The following IGF2BP2 variants were observed in gnomAD, a reference collection of about 807,000 sequenced individuals.
IGF2BP2 encodes the protein insulin-like growth factor 2 mRNA-binding protein 2.
A neutral mutation model predicts 75.8 loss-of-function variants in IGF2BP2; 17 were observed. The ratio of observed to expected loss-of-function variants is 0.22; its 90% CI spans 0.15 to 0.34. The LOEUF (loss-of-function observed/expected upper bound fraction) is 0.34. IGF2BP2 is among the 10% of genes least tolerant of loss of function. The probability of loss-of-function intolerance (pLI) is 1.00; values close to 1 mark genes in which losing one functional copy is unlikely to be tolerated. For synonymous variants in IGF2BP2, 288 were observed against 295.6 expected, an observed-to-expected ratio of 0.97 and a Z score of 0.26; for missense variants, 516 against 772.4, an observed-to-expected ratio of 0.67 and a Z score of 3.93.
intron 2 of IGF2BP2, among the ~76,000 whole-genome samples, chr3:185,782,804 C>T (rs1477386606): frequency 1.3e-5 from 2 of 152,150 alleles, no homozygotes; most frequent in Non-Finnish European, 2.9e-5. Context: ...TGAAGTTCAC[C>T]AGGATCCCAG....
At chr3:185,671,692 T>G (rs756523517) in intron 10 of IGF2BP2, among the ~76,000 whole-genome samples, 8 of 152,172 alleles carry the variant, frequency 5.3e-5, no homozygotes, top group Non-Finnish European at 8.8e-5. Flanking sequence ...ATCCTGTCTC[T>G]CTACAGATAA....
At chr3:185,673,552 G>A (rs1449375914) in intron 9 of IGF2BP2, among the ~76,000 whole-genome samples, 1 of 152,176 alleles carries the variant, frequency 6.6e-6, no homozygotes, top group Admixed American at 6.5e-5. Flanking sequence ...CAGACTGGGG[G>A]TGGGTTTAGC....
In IGF2BP2 at chr3:185,811,830, G is replaced by GTCTCTCTC. The variant is rs58208457; in HGVS notation, c.239+11315_239+11322dup. ...CAGGGGACGGTGCTCAGAGTAGGGT[G>GTCTCTCTC]TCTCTCTCTCTCTCTCTCTCTCTCT... On this transcript the variant is annotated intron_variant, in intron 2 of 15. Coordinates refer to ENST00000382199, the MANE Select transcript of IGF2BP2 (RefSeq NM_006548.6). 9.5e-3 allele frequency among the ~76,000 whole-genome samples: 1,150 copies of GTCTCTCTC among 120,644 alleles called. 25 individuals are homozygous for GTCTCTCTC. The highest frequency in any genetic ancestry group is 0.034 in the Middle Eastern group (7 of 206). The allele number at this position is 120,644 out of a possible 152,430, so 79.1% of individuals were successfully genotyped here.
chr3:185,736,139 C>A (rs906131055), intron 2 of IGF2BP2, among the ~76,000 whole-genome samples: 4 of 152,096 alleles, frequency 2.6e-5, no homozygotes, highest in Admixed American at 6.6e-5. Flanking sequence ...TCCATCAGAT[C>A]CTTAAGGCCA....
At chr3:185,752,261 G>C (rs1731064599) in intron 2 of IGF2BP2, among the ~76,000 whole-genome samples, 1 of 152,134 alleles carries the variant, frequency 6.6e-6, no homozygotes, top group African/African-American at 2.4e-5. Context: ...TCCATCACTA[G>C]GCCATGTGCA....
intron 2 of IGF2BP2, among the ~76,000 whole-genome samples, chr3:185,708,460 C>T (rs1369615930): frequency 1.3e-5 from 2 of 152,138 alleles, no homozygotes; most frequent in East Asian, 1.9e-4. Context: ...TGTGATAGCT[C>T]ACTCTTTGCT....
chr3:185,808,845 G>A (rs1029957207), intron 2 of IGF2BP2, among the ~76,000 whole-genome samples: 5 of 152,036 alleles, frequency 3.3e-5, no homozygotes, highest in Admixed American at 6.6e-5. Context: ...TGGGATTACA[G>A]GCATGAGCCA....
rs1372043865 is a variant in IGF2BP2 at position 185,760,447 on chromosome 3, T to C, written c.240-62100A>G. On this transcript the variant is annotated intron_variant, in intron 2 of 15. Transcript: ENST00000382199. ...TTAAAGTGTACAGTTCAATGATTTCTAGCATATTCACAAAGCTGTGCAGTG... is the reference window on the plus strand; with the variant it reads ...TTAAAGTGTACAGTTCAATGATTTCCAGCATATTCACAAAGCTGTGCAGTG... Among the ~76,000 whole-genome samples, 5 of 152,348 alleles carry C rather than the reference T, an allele frequency of 3.3e-5. 1 individual carries two copies. In the South Asian group the frequency reaches 8.3e-4, roughly 25 times the overall value.
intron 14 of IGF2BP2, among the ~76,000 whole-genome samples, chr3:185,649,181 C>T (rs541065048): frequency 2.6e-5 from 4 of 152,152 alleles, no homozygotes; most frequent in South Asian, 2.1e-4. Flanking sequence ...TACAGCACCA[C>T]GGATTGGGGG....
In IGF2BP2 at chr3:185,666,771, A is replaced by C. The variant is rs1195542229; in HGVS notation, c.1200+5770T>G. ...TAAAAAGAAAAATTAAGTGGAAAAA[A>C]ATGTGTATTTTCATAGGAAAATATA... is the stretch of plus-strand genomic sequence containing the variant. On this transcript the variant is annotated intron_variant, in intron 10 of 15. Coordinates refer to ENST00000382199, the MANE Select transcript of IGF2BP2 (RefSeq NM_006548.6). 2.6e-5 allele frequency among the ~76,000 whole-genome samples: 4 copies of C among 152,202 alleles called. No homozygotes were observed. In the East Asian group the frequency reaches 7.7e-4, roughly 29 times the overall value.
chr3:185,720,324 CTATT>C (rs1726326377), intron 2 of IGF2BP2, among the ~76,000 whole-genome samples: 2 of 152,170 alleles, frequency 1.3e-5, no homozygotes, highest in South Asian at 2.1e-4. Flanking sequence ...TCACCAAAGC[CTATT>C]TATTTTATTT....
At chr3:185,767,176 C>CGAT (rs1733199579) in intron 2 of IGF2BP2, among the ~76,000 whole-genome samples, 1 of 152,230 alleles carries the variant, frequency 6.6e-6, no homozygotes, top group African/African-American at 2.4e-5. Context: ...GTTCTGCAGA[C>CGAT]TATCAAGAAG....
intron 10 of IGF2BP2, among the ~76,000 whole-genome samples, chr3:185,664,817 T>C (rs1201453843): frequency 6.6e-6 from 1 of 151,114 alleles, no homozygotes. Context: ...TCTTCTGGAG[T>C]GGGAACTCCA....
intron 7 of IGF2BP2, among the ~76,000 whole-genome samples, chr3:185,676,975 TACATATATATGG>T (rs1380410812): frequency 1.4e-4 from 19 of 137,464 alleles, no homozygotes; most frequent in African/African-American, 4.9e-4. Context: ...CATATGGAGA[TACATATATATGG>T]AGATATATAT....
At chr3:185,824,253 G>A (rs1394052281) in intron 1 of IGF2BP2, among the ~76,000 whole-genome samples, 2 of 151,454 alleles carry the variant, frequency 1.3e-5, no homozygotes, top group Non-Finnish European at 2.9e-5. Context: ...GTGGGGCGAG[G>A]TGGGGAGGGG....
intron 2 of IGF2BP2, among the ~76,000 whole-genome samples, chr3:185,816,269 T>TAAC (rs567965459): frequency 9.9e-4 from 151 of 152,184 alleles, no homozygotes; most frequent in African/African-American, 3.6e-3. Flanking sequence ...AAAAGCAACA[T>TAAC]AACAACAACA....
intron 2 of IGF2BP2, among the ~76,000 whole-genome samples, chr3:185,787,355 A>G (rs1486443066): frequency 6.6e-6 from 1 of 152,244 alleles, no homozygotes; most frequent in Non-Finnish European, 1.5e-5. Flanking sequence ...ATGTCATTTA[A>G]AAAATATTTA....
At chr3:185,669,893 G>A (rs1370079393) in intron 10 of IGF2BP2, among the ~76,000 whole-genome samples, 2 of 152,216 alleles carry the variant, frequency 1.3e-5, no homozygotes, top group Admixed American at 1.3e-4. Context: ...CACCAGGGAA[G>A]CCCACAGGTC....
At chr3:185,761,145 A>T (rs1005591020) in intron 2 of IGF2BP2, among the ~76,000 whole-genome samples, 1 of 152,188 alleles carries the variant, frequency 6.6e-6, no homozygotes, top group African/African-American at 2.4e-5. Context: ...CTAGGCTGAT[A>T]TTCCCAAAAA....
Sources: allele counts gnomAD v4.1 joint callset (sites outside exome capture counted in the v4.1 genomes callset), GRCh38; gene constraint gnomAD v4.1.1; transcripts MANE v1.5; gene names NCBI Gene and HGNC (gene_info 2026-07-23, HGNC 2026-07-21).